Variants in MPPED1 observed in about 807,000 individuals in gnomAD.
MPPED1 encodes the protein metallophosphoesterase domain containing 1.
A neutral mutation model predicts 36.2 loss-of-function variants in MPPED1; 16 were observed. The ratio of observed to expected loss-of-function variants is 0.44; its 90% CI spans 0.30 to 0.67. The LOEUF (loss-of-function observed/expected upper bound fraction) is 0.67, where lower values mean the gene tolerates loss of function less well. MPPED1 is among the 30% of genes least tolerant of loss of function. The pLI is 0.10. For synonymous variants in MPPED1, 199 were observed against 191.3 expected (o/e 1.04, Z -0.33); for missense variants, 307 against 453.4 (o/e 0.68, Z 2.93).
chr22:43,498,328 G>A lies in MPPED1; in HGVS notation c.726G>A (p.Leu242=), dbSNP rs1932498334. ...WNLIPEGVDI[L]ITHGPPLGFL... is the part of the protein sequence containing the mutation. The stretch of plus-strand genomic sequence containing the variant: ...TCATTCCCGAAGGCGTAGACATCCT[G>A]ATAACCCATGGACCACCACTGGGTA... The change falls in exon 5 of 7, where the codon CTG becomes CTA. Residue 242 remains leucine (L), a synonymous_variant. Transcript: ENST00000443721. 6.5e-7 allele frequency: 1 copy of A among 1,535,260 alleles called. No homozygotes were observed. The highest frequency in any genetic ancestry group is 1.2e-5 in the South Asian group (1 of 84,022).
At chr22:43,428,005 T>C (rs1334687571) in intron 2 of MPPED1, among the ~76,000 whole-genome samples, 1 of 152,108 alleles carries the variant, frequency 6.6e-6, no homozygotes, top group Non-Finnish European at 1.5e-5. Context: ...GAAGGCGCGG[T>C]GGGCAGCAAG....
chr22:43,485,505 C>T (rs143596010), intron 4 of MPPED1, among the ~76,000 whole-genome samples: 24 of 151,734 alleles, frequency 1.6e-4, no homozygotes, highest in Admixed American at 3.3e-4. Context: ...TGGATGCACA[C>T]GTCATACACA....
Position 43,440,336 on chromosome 22 carries a change from G to C in MPPED1, c.406+5121G>C, listed in dbSNP as rs1216650454. Among the ~76,000 whole-genome samples the C allele has an allele frequency of 2.6e-5, 4 of 152,224 alleles. No homozygotes were observed. The East Asian group carries it at 7.7e-4, about 29-fold the overall frequency. The stretch of plus-strand genomic sequence containing the variant: ...TAAGTTGAGTTGGGGTCTCAAGGAC[G>C]AGGCTAGAAGCTGGGGCCACAGGTG... On this transcript the variant is annotated intron_variant, in intron 3 of 6. Transcript: ENST00000443721.
At chr22:43,429,104 G>A (rs977969153) in intron 2 of MPPED1, among the ~76,000 whole-genome samples, 4 of 152,210 alleles carry the variant, frequency 2.6e-5, no homozygotes, top group South Asian at 2.1e-4. Context: ...GGGATGGAAG[G>A]CCACAGCTGC....
chr22:43,436,859 G>A (rs1018470000), intron 3 of MPPED1, among the ~76,000 whole-genome samples: 13 of 152,268 alleles, frequency 8.5e-5, no homozygotes, highest in East Asian at 3.8e-4. Flanking sequence ...TACCATTTGC[G>A]TCCCTATTTG....
chr22:43,458,561 G>A (rs1245187420), intron 3 of MPPED1, among the ~76,000 whole-genome samples: 1 of 152,168 alleles, frequency 6.6e-6, no homozygotes, highest in South Asian at 2.1e-4. Context: ...TGGGATTACA[G>A]GCATGAACCA....
In MPPED1 at chr22:43,506,968, G is replaced by A. The variant is rs967503340; in HGVS notation, c.*1352G>A. ...TTTCCGTTGTACATCTGAGAGAAGG[G>A]TGTCACTCCCTCACCCAGGTCCCAG... On this transcript the variant is annotated 3_prime_UTR_variant, in exon 7 of 7. Coordinates refer to ENST00000443721, the MANE Select transcript of MPPED1 (RefSeq NM_001044370.2). 9 of 152,132 alleles carry A rather than the reference G, an allele frequency of 5.9e-5. No individual in the cohort carries two copies. The highest frequency in any genetic ancestry group is 1.9e-4 in the African/African-American group (8 of 41,410). 9.4% of individuals were successfully genotyped at this position (152,132 alleles called of 1,614,324 possible). A position where few individuals can be genotyped will look rare whatever the true frequency, so the allele number is the denominator to read the frequency against.
At chr22:43,496,025 A>AGATGGTGG (rs1932324153) in intron 4 of MPPED1, among the ~76,000 whole-genome samples, 2 of 26,016 alleles carry the variant, frequency 7.7e-5, no homozygotes, top group Non-Finnish European at 1.6e-4. Context: ...GGAGGTGGTG[A>AGATGGTGG]TGGTGGAGGT....
intron 3 of MPPED1, among the ~76,000 whole-genome samples, chr22:43,446,481 T>C (rs1358595384): frequency 2.6e-5 from 4 of 152,128 alleles, no homozygotes; most frequent in Non-Finnish European, 2.9e-5. Context: ...AAGATCTGAA[T>C]GGAGGCAGCC....
chr22:43,446,429 A>T (rs768623771), intron 3 of MPPED1, among the ~76,000 whole-genome samples: 2 of 152,002 alleles, frequency 1.3e-5, no homozygotes, highest in Non-Finnish European at 2.9e-5. Flanking sequence ...ACATGAAGGG[A>T]TGGGGAAGGG....
chr22:43,500,310 A>G (rs1056202948), intron 5 of MPPED1, among the ~76,000 whole-genome samples: 229 of 10,636 alleles, frequency 0.022, no homozygotes, highest in Non-Finnish European at 0.03. Context: ...GGTGATGGTG[A>G]TGGAGGTGGT....
intron 1 of MPPED1, among the ~76,000 whole-genome samples, chr22:43,421,292 A>C (rs939544655): frequency 2.6e-5 from 4 of 152,260 alleles, no homozygotes; most frequent in Non-Finnish European, 5.9e-5. Context: ...GGGCATTAAA[A>C]GAAGCCGTTG....
chr22:43,454,561 TC>T (rs1445436573), intron 3 of MPPED1, among the ~76,000 whole-genome samples: 1 of 152,076 alleles, frequency 6.6e-6, no homozygotes, highest in Non-Finnish European at 1.5e-5. Context: ...TGCTTTGGCC[TC>T]CCAAAATTCT....
At chr22:43,431,732 G>T (rs746302020) in intron 2 of MPPED1, among the ~76,000 whole-genome samples, 1 of 152,232 alleles carries the variant, frequency 6.6e-6, no homozygotes, top group Non-Finnish European at 1.5e-5. Flanking sequence ...TGCCTGTAAC[G>T]TGCCCAGCAC....
intron 3 of MPPED1, among the ~76,000 whole-genome samples, chr22:43,442,912 G>T (rs914193901): frequency 6.6e-6 from 1 of 152,210 alleles, no homozygotes; most frequent in Non-Finnish European, 1.5e-5. Context: ...GGCTGTGACT[G>T]CTGGGGACCA....
intron 3 of MPPED1, among the ~76,000 whole-genome samples, chr22:43,464,755 A>G (rs1931103105): frequency 6.6e-6 from 1 of 151,978 alleles, no homozygotes; most frequent in South Asian, 2.1e-4. Flanking sequence ...GTAGCTCCAC[A>G]TTTCTCTTAC....
chr22:43,423,640 A>C (rs1302636206), intron 1 of MPPED1, among the ~76,000 whole-genome samples: 1 of 152,202 alleles, frequency 6.6e-6, no homozygotes, highest in African/African-American at 2.4e-5. Context: ...CTTTGCACAT[A>C]ATTAAAATGT....
intron 3 of MPPED1, among the ~76,000 whole-genome samples, chr22:43,459,737 G>C (rs981501015): frequency 6.6e-6 from 1 of 152,098 alleles, no homozygotes; most frequent in Admixed American, 6.5e-5. Context: ...TAATGTTCTT[G>C]AATTCTTTAG....
intron 1 of MPPED1, among the ~76,000 whole-genome samples, chr22:43,423,530 G>A (rs1929351449): frequency 1.3e-5 from 2 of 152,218 alleles, no homozygotes; most frequent in South Asian, 4.1e-4. Context: ...TGGGAATCAG[G>A]AAGTGTCTTT....
Sources: allele counts gnomAD v4.1 joint callset (sites outside exome capture counted in the v4.1 genomes callset), GRCh38; gene constraint gnomAD v4.1.1; transcripts MANE v1.5; gene names NCBI Gene and HGNC (gene_info 2026-07-23, HGNC 2026-07-21).